Variants in CTSO observed in about 807,000 individuals in gnomAD.
CTSO encodes the protein cathepsin O.
Under a neutral mutation model 42.4 loss-of-function variants are expected in CTSO, and 40 were observed. The observed-to-expected ratio is 0.94, with a 90% CI of 0.73 to 1.23. The LOEUF (loss-of-function observed/expected upper bound fraction) is 1.23. CTSO is among the 50% of genes most tolerant of loss of function. CTSO has a pLI of 0.00. For missense variants in CTSO, 441 were observed against 396.0 expected, an observed-to-expected ratio of 1.11 and a Z score of -0.96; for synonymous variants, 156 against 146.2, an observed-to-expected ratio of 1.07 and a Z score of -0.48.
At position 155,942,326 on chromosome 4, in the gene CTSO, G is replaced by T. The variant is rs375075355; in HGVS notation, c.375C>A (p.Asn125Lys). ...RDKQVVTQVR[N>K]QQMCGGCWAF... Reference sequence around the variant, plus strand: ...AGGGATTTCAACGTACCATCTGCTGGTTTCTCACTTGTGTCACAACCTGCT... The same window carrying T: ...AGGGATTTCAACGTACCATCTGCTGTTTTCTCACTTGTGTCACAACCTGCT... Residue 125 changes from asparagine (N) to lysine (K), a missense_variant, in exon 3 of 8, where the codon AAC (asparagine) becomes AAA (lysine). Asn to Lys is a moderately conservative substitution (Grantham distance 94, BLOSUM62 0). Transcript: ENST00000433477. 3.8e-5 allele frequency: 59 copies of T among 1,569,256 alleles called. No homozygotes were observed. Among genetic ancestry groups the T allele is most frequent in the Non-Finnish European group, 4.7e-5 (55 of 1,160,370 alleles).
intron 5 of CTSO, 54 bp from the exon 6 acceptor site, chr4:155,929,759 A>G (rs1743201787): frequency 6.6e-7 from 1 of 1,511,018 alleles, no homozygotes; most frequent in Non-Finnish European, 9.0e-7. Flanking sequence ...GGTAAAAATA[A>G]CAATGATCTA....
intron 5 of CTSO, among the ~76,000 whole-genome samples, chr4:155,935,167 G>T (rs1385352747): frequency 6.6e-6 from 1 of 152,130 alleles, no homozygotes; most frequent in Non-Finnish European, 1.5e-5. Context: ...TTACGCTTTT[G>T]CTTCTTCCTC....
rs1307260322 is a variant in CTSO at position 155,939,510 on chromosome 4, A to G, written c.413T>C (p.Val138Ala). ...MCGGCWAFSV[V>A]GAVESAYAIK... Reference sequence around the variant, plus strand: ...TGCATAAGCAGATTCCACTGCCCCCACCACGCTGAAGGCCCAGCATCCTCC... The same window carrying G: ...TGCATAAGCAGATTCCACTGCCCCCGCCACGCTGAAGGCCCAGCATCCTCC... The change falls in exon 4 of 8, where the codon GTG becomes GCG. Residue 138 changes from valine to alanine, a missense_variant. Transcript: ENST00000433477. 42 of 1,613,812 alleles carry G rather than the reference A, an allele frequency of 2.6e-5. No individual in the cohort carries two copies. Among genetic ancestry groups the G allele is most frequent in the Non-Finnish European group, 3.5e-5 (41 of 1,179,892 alleles).
At chr4:155,936,697 A>G (rs538123340) in intron 5 of CTSO, among the ~76,000 whole-genome samples, 22 of 152,338 alleles carry the variant, frequency 1.4e-4, no homozygotes, top group Admixed American at 3.3e-4. Context: ...AAAACTATCC[A>G]AAGTTATCCT....
chr4:155,942,263 A>G (rs906578411), intron 3 of CTSO, 54 bp downstream of exon 3: 6 of 1,435,882 alleles, frequency 4.2e-6, no homozygotes, highest in Non-Finnish European at 5.5e-6. Flanking sequence ...ACTTGACCTC[A>G]AAGCTGCCTT....
Position 155,953,756 on chromosome 4 carries a change from G to C in CTSO, c.92C>G (p.Pro31Arg), listed in dbSNP as rs947065360. ...GDADSRAPFT[P>R]TWPRSREREA... ...ACGCTCGCGGCTCCGCGGCCAGGTC[G>C]GGGTGAAGGGGGCGCGGGAGTCCGC... Residue 31 changes from proline (P) to arginine (R), a missense_variant, in exon 1 of 8, where the codon CCG becomes CGG. Pro to Arg is a moderately radical substitution (Grantham distance 103). Coordinates refer to ENST00000433477, the MANE Select transcript of CTSO (RefSeq NM_001334.3). The C allele has an allele frequency of 7.1e-5, 92 of 1,303,898 alleles. No homozygotes were observed. The Middle Eastern group carries it at 1.2e-3, about 17-fold the overall frequency. The allele number at this position is 1,303,898 out of a possible 1,614,324, so 80.8% of individuals were successfully genotyped here. A position where few individuals can be genotyped will look rare whatever the true frequency, so the allele number is the denominator to read the frequency against.
Position 155,925,302 on chromosome 4 carries a change from C to A in CTSO, c.*734G>T, listed in dbSNP as rs1300158512. ...TATAGTATAAAAAGAACAAAGTAAGCAATATGATCTATTGGATTCCTATTC... is the reference window on the plus strand; with the variant it reads ...TATAGTATAAAAAGAACAAAGTAAGAAATATGATCTATTGGATTCCTATTC... On this transcript the variant is annotated 3_prime_UTR_variant, in exon 8 of 8. Transcript: ENST00000433477. The A allele has an allele frequency of 6.6e-6, 1 of 152,032 alleles. No homozygotes were observed. The highest frequency in any genetic ancestry group is 1.5e-5 in the Non-Finnish European group (1 of 67,988). The allele number at this position is 152,032 out of a possible 1,614,324, so 9.4% of individuals were successfully genotyped here. A position where few individuals can be genotyped will look rare whatever the true frequency, so the allele number is the denominator to read the frequency against.
intron 1 of CTSO, among the ~76,000 whole-genome samples, chr4:155,947,266 C>G (rs1743564981): frequency 6.6e-6 from 1 of 152,154 alleles, no homozygotes; most frequent in Admixed American, 6.5e-5. Context: ...TGGAGTAATA[C>G]TGATCTGGAA....
intron 3 of CTSO, among the ~76,000 whole-genome samples, chr4:155,939,907 C>A (rs1743398772): frequency 6.6e-6 from 1 of 152,078 alleles, no homozygotes; most frequent in Non-Finnish European, 1.5e-5. Context: ...AGAGTGTGTG[C>A]CGACTCCCGC....
At chr4:155,950,758 G>C (rs937432827) in intron 1 of CTSO, among the ~76,000 whole-genome samples, 2 of 151,914 alleles carry the variant, frequency 1.3e-5, no homozygotes, top group African/African-American at 4.8e-5. Context: ...TGCATGTAAG[G>C]GATCTAGTTT....
chr4:155,932,762 G>T (rs2110910600), intron 5 of CTSO, among the ~76,000 whole-genome samples: 1 of 152,276 alleles, frequency 6.6e-6, no homozygotes, highest in Non-Finnish European at 1.5e-5. Context: ...AAGAAACCCT[G>T]CTGCCCCGGT....
In CTSO at chr4:155,953,779, C is replaced by G; in HGVS notation, c.69G>C (p.Ala23=). 3.7e-6 allele frequency: 5 copies of G among 1,340,014 alleles called. No individual in the cohort carries two copies. Among genetic ancestry groups the G allele is most frequent in the Non-Finnish European group, 4.8e-6 (5 of 1,042,158 alleles). The allele number at this position is 1,340,014 out of a possible 1,614,324, so 83.0% of individuals were successfully genotyped here. A position where few individuals can be genotyped will look rare whatever the true frequency, so the allele number is the denominator to read the frequency against. ...LWLLCRGGGD[A]DSRAPFTPTW... is the part of the protein sequence containing the mutation. ...TCGGGGTGAAGGGGGCGCGGGAGTCCGCATCGCCGCCGCCCCGGCACAGCA... is the reference window on the plus strand; with the variant it reads ...TCGGGGTGAAGGGGGCGCGGGAGTCGGCATCGCCGCCGCCCCGGCACAGCA... The change falls in exon 1 of 8, where the codon GCG becomes GCC. Residue 23 remains alanine (A), a synonymous_variant. Coordinates refer to ENST00000433477, the MANE Select transcript of CTSO (RefSeq NM_001334.3).
rs2110927652 is a variant in CTSO at position 155,943,163 on chromosome 4, C to T, written c.237G>A (p.Glu79=). Reference sequence around the variant, plus strand: ...AGCAACATCGGACTATACCTTTAAACTCTTCAGGAAACAAATAGGAAAACT... The same window carrying T: ...AGCAACATCGGACTATACCTTTAAATTCTTCAGGAAACAAATAGGAAAACT... ...INQFSYLFPE[E]FKAIYLRSKP... The change falls in exon 2 of 8, where the codon GAG becomes GAA. Residue 79 remains glutamate, a synonymous_variant. Transcript: ENST00000433477. 2 of 1,600,758 alleles carry T rather than the reference C, an allele frequency of 1.2e-6. No individual in the cohort carries two copies. Among genetic ancestry groups the T allele is most frequent in the African/African-American group, 1.3e-5 (1 of 74,638 alleles).
chr4:155,950,017 TTTTA>T (rs1743619378), intron 1 of CTSO, among the ~76,000 whole-genome samples: 1 of 152,190 alleles, frequency 6.6e-6, no homozygotes, highest in African/African-American at 2.4e-5. Context: ...AAGGATACAC[TTTTA>T]TAAAGTACAG....
In CTSO at chr4:155,939,411, T is replaced by C. The variant is rs1275871105; in HGVS notation, c.512A>G (p.Asn171Ser). 6.2e-7 allele frequency: 1 copy of C among 1,614,120 alleles called. No homozygotes were observed. Among genetic ancestry groups the C allele is most frequent in the East Asian group, 2.2e-5 (1 of 44,880 alleles). The change falls in exon 4 of 8, where the codon AAT (asparagine) becomes AGT (serine). Residue 171 changes from asparagine to serine, a missense_variant. Asn to Ser is a conservative substitution (Grantham distance 46). Coordinates refer to ENST00000433477, the MANE Select transcript of CTSO (RefSeq NM_001334.3). ...IDCSYNNYGC[N>S]GGSTLNALNW... ...CAAAGCATTGAGAGTAGAGCCTCCA[T>C]TGCAGCCATAATTATTATACGAACA...
At chr4:155,952,427 C>G (rs1375143895) in intron 1 of CTSO, among the ~76,000 whole-genome samples, 1 of 152,036 alleles carries the variant, frequency 6.6e-6, no homozygotes, top group Admixed American at 6.5e-5. Context: ...TTTTTAGGAG[C>G]CTGACAGTGT....
chr4:155,937,990 A>T (rs1249334986), intron 4 of CTSO, among the ~76,000 whole-genome samples: 2 of 152,112 alleles, frequency 1.3e-5, no homozygotes, highest in Admixed American at 1.3e-4. Flanking sequence ...TTTGGAGTCA[A>T]TATCTTTCCT....
rs1026408955 is a variant in CTSO, at chr4:155,928,335, C to A, written c.931+1G>T. On this transcript the variant is annotated splice_donor_variant, in intron 7 of 7. Transcript: ENST00000433477. LOFTEE classifies it high-confidence loss of function. ...GTTTTAAACACAAACTCATGACTTA[C>A]CACAAACATTACTTCCCATTTTGAC... 1 of 1,605,584 alleles carries A rather than the reference C, an allele frequency of 6.2e-7. No homozygotes were observed. Among genetic ancestry groups the A allele is most frequent in the Non-Finnish European group, 8.5e-7 (1 of 1,174,442 alleles).
intron 5 of CTSO, among the ~76,000 whole-genome samples, chr4:155,936,752 T>C (rs1743338346): frequency 6.6e-6 from 1 of 152,226 alleles, no homozygotes; most frequent in Admixed American, 6.5e-5. Flanking sequence ...CCTGTCTTTA[T>C]CTATCCCTAC....
Sources: allele counts gnomAD v4.1 joint callset (sites outside exome capture counted in the v4.1 genomes callset), GRCh38; gene constraint gnomAD v4.1.1; transcripts MANE v1.5; gene names NCBI Gene and HGNC (gene_info 2026-07-23, HGNC 2026-07-21).